Variants in DCC observed in about 807,000 individuals in gnomAD.
DCC encodes DCC netrin 1 receptor.
In DCC, 58 loss-of-function variants were observed where a neutral mutation model predicts 172.5. The observed-to-expected ratio is 0.34, with a 90% CI of 0.27 to 0.42. DCC has a LOEUF of 0.42. DCC is among the 10% of genes least tolerant of loss of function. The pLI is 1.00. For synonymous variants in DCC, 709 were observed against 644.5 expected, an observed-to-expected ratio of 1.10 and a Z score of -1.52; for missense variants, 1,740 against 1,791.0, an observed-to-expected ratio of 0.97 and a Z score of 0.51.
chr18:52,425,601 A>G (rs1011524118), intron 1 of DCC, among the ~76,000 whole-genome samples: 1 of 152,174 alleles, frequency 6.6e-6, no homozygotes, highest in African/African-American at 2.4e-5. Context: ...CATTGCCAAT[A>G]TCTGTAAAAA....
At chr18:52,748,288 C>A (rs1033906580) in intron 1 of DCC, among the ~76,000 whole-genome samples, 1 of 152,122 alleles carries the variant, frequency 6.6e-6, no homozygotes, top group African/African-American at 2.4e-5. Flanking sequence ...ACGGTGACAC[C>A]CAAAAAACTT....
chr18:52,822,238 T>C (rs549709050), intron 2 of DCC, among the ~76,000 whole-genome samples: 1 of 152,292 alleles, frequency 6.6e-6, no homozygotes, highest in South Asian at 2.1e-4. Context: ...AAGCCCTATA[T>C]TGTCAGGCTA....
At chr18:52,354,859 T>C (rs1984289802) in intron 1 of DCC, among the ~76,000 whole-genome samples, 1 of 152,206 alleles carries the variant, frequency 6.6e-6, no homozygotes, top group Non-Finnish European at 1.5e-5. Context: ...TTGCCTGATT[T>C]TTCCTTTACA....
intron 2 of DCC, among the ~76,000 whole-genome samples, chr18:52,847,275 G>C (rs1289613881): frequency 6.6e-6 from 1 of 152,042 alleles, no homozygotes; most frequent in South Asian, 2.1e-4. Context: ...TCAAAATGTT[G>C]GACAATCTGT....
intron 5 of DCC, 71 bp downstream of exon 5, chr18:52,925,441 A>T (rs1278769646): frequency 2.1e-5 from 31 of 1,460,574 alleles, no homozygotes; most frequent in Non-Finnish European, 3.0e-5. Context: ...TTTAATGCTC[A>T]TCACTGAATT....
chr18:52,928,203 T>C (rs985332403), intron 5 of DCC, among the ~76,000 whole-genome samples: 1 of 152,088 alleles, frequency 6.6e-6, no homozygotes, highest in Non-Finnish European at 1.5e-5. Flanking sequence ...AAGCTAAACA[T>C]TGAGTACACA....
chr18:52,500,131 A>G (rs1488776196), intron 1 of DCC, among the ~76,000 whole-genome samples: 1 of 149,320 alleles, frequency 6.7e-6, no homozygotes, highest in Non-Finnish European at 1.5e-5. Context: ...TTTTTTGCTC[A>G]CACCAAGGAG....
intron 1 of DCC, among the ~76,000 whole-genome samples, chr18:52,435,586 T>A (rs1187350844): frequency 6.6e-6 from 1 of 152,210 alleles, no homozygotes; most frequent in African/African-American, 2.4e-5. Context: ...AGGGTTGAGC[T>A]GTCTTTCCCA....
At chr18:52,989,584 AT>A (rs1477154899) in intron 5 of DCC, among the ~76,000 whole-genome samples, 1 of 152,202 alleles carries the variant, frequency 6.6e-6, no homozygotes, top group Non-Finnish European at 1.5e-5. Flanking sequence ...AACATTGGAA[AT>A]AAATTGCACC....
intron 5 of DCC, among the ~76,000 whole-genome samples, chr18:53,005,373 A>G (rs1354627349): frequency 3.3e-5 from 5 of 152,172 alleles, no homozygotes; most frequent in Non-Finnish European, 7.3e-5. Flanking sequence ...AAATTTTCCT[A>G]TATGGATATT....
At chr18:53,428,326 T>TATA (rs1391418820) in intron 21 of DCC, among the ~76,000 whole-genome samples, 3 of 26,750 alleles carry the variant, frequency 1.1e-4, no homozygotes, top group South Asian at 1.7e-3. Flanking sequence ...TATAATATAA[T>TATA]ATAATATATT....
chr18:53,282,504 C>A (rs1022753889), intron 12 of DCC, among the ~76,000 whole-genome samples: 3 of 152,134 alleles, frequency 2.0e-5, no homozygotes, highest in Admixed American at 2.0e-4. Flanking sequence ...GAACCAATCA[C>A]AACTTTGCCT....
chr18:52,649,237 G>A (rs2035077920), intron 1 of DCC, among the ~76,000 whole-genome samples: 1 of 152,040 alleles, frequency 6.6e-6, no homozygotes, highest in Admixed American at 6.5e-5. Context: ...GCCAGGCGTG[G>A]TGGCAGGCAC....
At chr18:52,772,715 T>C (rs771594967) in intron 2 of DCC, among the ~76,000 whole-genome samples, 5 of 152,186 alleles carry the variant, frequency 3.3e-5, no homozygotes, top group Non-Finnish European at 5.9e-5. Context: ...TTTTATTATA[T>C]TGGGTGGTGT....
At chr18:52,856,363 C>A (rs1440227853) in intron 2 of DCC, among the ~76,000 whole-genome samples, 1 of 151,804 alleles carries the variant, frequency 6.6e-6, no homozygotes, top group African/African-American at 2.4e-5. Context: ...CGGTGGCTCA[C>A]GCCTGTAATC....
intron 13 of DCC, among the ~76,000 whole-genome samples, chr18:53,313,050 G>GAAGGGAAGAAGGA (rs1555651018): frequency 1.9e-5 from 2 of 105,006 alleles, no homozygotes; most frequent in East Asian, 8.4e-4. Flanking sequence ...GGGAAGAAGG[G>GAAGGGAAGAAGGA]AGGGAAGGAA....
chr18:53,310,943 GT>G, intron 13 of DCC, among the ~76,000 whole-genome samples: 1 of 149,680 alleles, frequency 6.7e-6, no homozygotes, highest in Non-Finnish European at 1.5e-5. Flanking sequence ...AGCATTGCTA[GT>G]TACACCGTAC....
intron 9 of DCC, among the ~76,000 whole-genome samples, chr18:53,187,990 A>G (rs2055310060): frequency 6.6e-6 from 1 of 152,244 alleles, no homozygotes; most frequent in Non-Finnish European, 1.5e-5. Context: ...GTATCAATTG[A>G]AAGTCAAGCA....
chr18:52,657,252 C>T (rs1397913230), intron 1 of DCC, among the ~76,000 whole-genome samples: 2 of 152,152 alleles, frequency 1.3e-5, no homozygotes, highest in Non-Finnish European at 2.9e-5. Flanking sequence ...TCAGTCTGCA[C>T]GAATGCTCCA....
Sources: gnomAD v4.1 joint callset for allele counts (sites outside exome capture counted in the v4.1 genomes callset) on GRCh38, gnomAD v4.1.1 for gene constraint, MANE v1.5 for transcripts, NCBI Gene and HGNC (gene_info 2026-07-23, HGNC 2026-07-21) for gene names.